The following PCSK5 variants were observed in gnomAD, a reference collection of about 807,000 sequenced individuals.
The protein encoded by PCSK5 is prohormone convertase 5.
PCSK5 carries 129 observed loss-of-function variants against 233.2 expected under a neutral mutation model. The ratio of observed to expected loss-of-function variants is 0.55; its 90% CI spans 0.48 to 0.64. The LOEUF is 0.64. Among genes scored for constraint, PCSK5 ranks in the 30% least tolerant of loss-of-function variants. The pLI is 0.00. For missense variants in PCSK5, 2,076 were observed against 2,430.1 expected (o/e 0.85, Z 3.06); for synonymous variants, 825 against 879.2 (o/e 0.94, Z 1.09).
intron 5 of PCSK5, among the ~76,000 whole-genome samples, chr9:76,036,837 T>C (rs1214880172): frequency 2.0e-5 from 3 of 152,226 alleles, no homozygotes; most frequent in African/African-American, 7.2e-5. Context: ...AGATGAGAAA[T>C]CAATTCTTGT....
chr9:76,150,672 C>T (rs1326449627), intron 10 of PCSK5, among the ~76,000 whole-genome samples: 1 of 152,130 alleles, frequency 6.6e-6, no homozygotes, highest in Non-Finnish European at 1.5e-5. Flanking sequence ...GGCAGCAGAA[C>T]ACAGGTGCCA....
intron 1 of PCSK5, among the ~76,000 whole-genome samples, chr9:75,925,821 C>A (rs1823460911): frequency 6.6e-6 from 1 of 152,174 alleles, no homozygotes; most frequent in East Asian, 1.9e-4. Context: ...CAAGTAGTTA[C>A]AATTATTTTA....
intron 2 of PCSK5, among the ~76,000 whole-genome samples, chr9:75,974,945 T>C (rs1436053591): frequency 6.6e-6 from 1 of 152,186 alleles, no homozygotes; most frequent in African/African-American, 2.4e-5. Context: ...TTTACCCATC[T>C]CCCTTTGATT....
At chr9:75,898,131 G>C (rs1326819000) in intron 1 of PCSK5, among the ~76,000 whole-genome samples, 1 of 152,166 alleles carries the variant, frequency 6.6e-6, no homozygotes, top group Non-Finnish European at 1.5e-5. Context: ...TAGGCCCTTA[G>C]TTTGTTTCAT....
intron 20 of PCSK5, among the ~76,000 whole-genome samples, chr9:76,198,866 C>G (rs558645001): frequency 6.6e-6 from 1 of 152,286 alleles, no homozygotes; most frequent in East Asian, 1.9e-4. Flanking sequence ...TGTCAGGAGT[C>G]AAAGGAGCAA....
intron 24 of PCSK5, among the ~76,000 whole-genome samples, chr9:76,263,016 C>A (rs1827227289): frequency 6.6e-6 from 1 of 151,862 alleles, no homozygotes; most frequent in South Asian, 2.1e-4. Context: ...CACCAAAAAA[C>A]ACATGAAAAA....
At position 76,340,639 on chromosome 9, in the gene PCSK5, C is replaced by CA. The variant is rs57319222; in HGVS notation, c.4966+2212dup. 9.7e-3 allele frequency among the ~76,000 whole-genome samples: 922 copies of CA among 95,302 alleles called. 26 individuals carry two copies. The highest frequency in any genetic ancestry group is 0.035 in the African/African-American group (809 of 23,438). The allele number at this position is 95,302 out of a possible 152,430, so 62.5% of individuals were successfully genotyped here. ...CAGCGTGGCAACAGAACGAGACTGT[C>CA]AAAAAAAAAAAAAAAAAAAACTTCA... On this transcript the variant is annotated intron_variant, in intron 35 of 37. Coordinates refer to ENST00000674117, the MANE Select transcript of PCSK5 (RefSeq NM_001372043.1).
At chr9:76,071,919 G>A (rs1830495296) in intron 7 of PCSK5, 21 bp downstream of exon 7, 1 of 1,604,866 alleles carries the variant, frequency 6.2e-7, no homozygotes, top group Non-Finnish European at 8.5e-7. Context: ...AAAGCATGGA[G>A]GCTTATACTG....
intron 3 of PCSK5, among the ~76,000 whole-genome samples, chr9:75,986,769 G>A (rs768381182): frequency 7.9e-5 from 12 of 152,142 alleles, no homozygotes; most frequent in African/African-American, 1.2e-4. Flanking sequence ...GAAAGTGTTC[G>A]ATTTGGTAGT....
intron 37 of PCSK5, among the ~76,000 whole-genome samples, chr9:76,354,731 C>T (rs977360817): frequency 1.6e-4 from 25 of 152,092 alleles, no homozygotes; most frequent in Non-Finnish European, 3.2e-4. Context: ...GAGCTGAGAT[C>T]GCACCACTGC....
At chr9:76,270,689 T>G (rs1208825979) in intron 24 of PCSK5, among the ~76,000 whole-genome samples, 1 of 152,216 alleles carries the variant, frequency 6.6e-6, no homozygotes, top group Non-Finnish European at 1.5e-5. Flanking sequence ...AGACATTCTT[T>G]AGCTGAAAAT....
intron 1 of PCSK5, among the ~76,000 whole-genome samples, chr9:75,930,826 T>G (rs1823756311): frequency 6.6e-6 from 1 of 152,220 alleles, no homozygotes; most frequent in Admixed American, 6.5e-5. Flanking sequence ...TAAAGGATTA[T>G]GCAACCACTC....
chr9:76,137,500 C>A (rs1390139027), intron 10 of PCSK5, among the ~76,000 whole-genome samples: 2 of 152,020 alleles, frequency 1.3e-5, no homozygotes, highest in African/African-American at 2.4e-5. Context: ...ATTAAAATAT[C>A]TTTTCTGGTA....
chr9:76,023,881 C>T lies in PCSK5; in HGVS notation c.555C>T (p.Tyr185=), dbSNP rs34417623. Residue 185 remains tyrosine, a splice_region_variant and synonymous_variant, in exon 4 of 38, where the codon TAC becomes TAT. Transcript: ENST00000674117. ...CCCATCCAGATCTGATGCAAAACTA[C>T]GTGAGTGTATGCTGTGGTTAGAAGG... ...ERTHPDLMQN[Y]DALASCDVNG... is the part of the protein sequence containing the mutation. The T allele has an allele frequency of 0.014, 22,153 of 1,609,240 alleles. 222 individuals are homozygous for T. Among genetic ancestry groups the T allele is most frequent in the Middle Eastern group, 0.019 (115 of 6,038 alleles).
intron 5 of PCSK5, among the ~76,000 whole-genome samples, chr9:76,065,294 C>G (rs762567524): frequency 6.6e-6 from 1 of 152,168 alleles, no homozygotes; most frequent in Non-Finnish European, 1.5e-5. Context: ...CTCTCTGATC[C>G]GATCATTTCT....
intron 9 of PCSK5, among the ~76,000 whole-genome samples, chr9:76,119,080 T>G (rs1832539098): frequency 6.6e-6 from 1 of 152,050 alleles, no homozygotes; most frequent in African/African-American, 2.4e-5. Flanking sequence ...CTGTCTCCAT[T>G]CAGTTGTTGG....
chr9:76,228,035 T>G (rs1227742592), intron 21 of PCSK5, among the ~76,000 whole-genome samples: 3 of 151,550 alleles, frequency 2.0e-5, no homozygotes, highest in Non-Finnish European at 1.5e-5. Context: ...AGTGGCGCGA[T>G]CTCTGCTCAC....
At chr9:75,987,209 C>A (rs1163244152) in intron 3 of PCSK5, among the ~76,000 whole-genome samples, 1 of 152,118 alleles carries the variant, frequency 6.6e-6, no homozygotes, top group Non-Finnish European at 1.5e-5. Context: ...GTTCCCTGCC[C>A]TTCCCCACCT....
chr9:76,074,668 A>G (rs1396974849), intron 7 of PCSK5, among the ~76,000 whole-genome samples: 1 of 152,124 alleles, frequency 6.6e-6, no homozygotes, highest in Non-Finnish European at 1.5e-5. Flanking sequence ...CTCTGCTTCC[A>G]TTTTCTCATC....
Sources: gnomAD v4.1 joint callset for allele counts (sites outside exome capture counted in the v4.1 genomes callset) on GRCh38, gnomAD v4.1.1 for gene constraint, MANE v1.5 for transcripts, NCBI Gene and HGNC (gene_info 2026-07-23, HGNC 2026-07-21) for gene names.